Variants in ELP1 observed in about 807,000 individuals in gnomAD.
ELP1 encodes elongator complex protein 1.
Under a neutral mutation model 183.2 loss-of-function variants are expected in ELP1, and 131 were observed. That is an observed-to-expected ratio of 0.72 (90% confidence interval 0.62 to 0.83). The LOEUF is 0.83. Among genes scored for constraint, ELP1 ranks in the 40% least tolerant of loss-of-function variants. The pLI, the probability that ELP1 is intolerant of heterozygous loss-of-function variation, is 0.00. For synonymous variants in ELP1, 555 were observed against 569.0 expected (o/e 0.98, Z 0.35); for missense variants, 1,550 against 1,594.9 (o/e 0.97, Z 0.48).
chr9:108,887,278 A>C (rs541903895), intron 29 of ELP1, among the ~76,000 whole-genome samples: 1 of 152,300 alleles, frequency 6.6e-6, no homozygotes, highest in African/African-American at 2.4e-5. Flanking sequence ...AGACAAGTGA[A>C]TTTTCTCCAA....
In ELP1 at chr9:108,922,866, T is replaced by C; in HGVS notation, c.528A>G (p.Arg176=). The C allele has an allele frequency of 6.2e-7, 1 of 1,614,036 alleles. No individual in the cohort carries two copies. Among genetic ancestry groups the C allele is most frequent in the Non-Finnish European group, 8.5e-7 (1 of 1,179,876 alleles). The change falls in exon 6 of 37, where the codon AGA becomes AGG. Residue 176 remains arginine (R), a synonymous_variant. Transcript: ENST00000374647. ...KETQFHGSEG[R]QAAFQMQMHE... ...CCATTTGCATCTGAAAAGCTGCTTG[T>C]CTGCCTTCTGATCCATGGAACTGTG...
In ELP1 at chr9:108,906,378, C is replaced by G; in HGVS notation, c.1568G>C (p.Ser523Thr). The change falls in exon 14 of 37, where the codon AGC becomes ACC. Residue 523 changes from serine to threonine, a missense_variant. Coordinates refer to ENST00000374647, the MANE Select transcript of ELP1 (RefSeq NM_003640.5). ...CAAATGGTGAATGACAGACCGGGGG[C>G]TGAACTCACTGTGGCTTACAGCCAG... ...VFLAVSHSEF[S>T]PRSVIHHLTA... The G allele has an allele frequency of 6.2e-7, 1 of 1,614,084 alleles. No homozygotes were observed.
chr9:108,892,859 T>C (rs1828396628), intron 27 of ELP1, 127 bp downstream of exon 27: 2 of 736,996 alleles, frequency 2.7e-6, no homozygotes, highest in Non-Finnish European at 5.0e-6. Context: ...GAAGTTCAAA[T>C]TGAGGCTAAT....
intron 36 of ELP1, 28 bp downstream of exon 36, chr9:108,874,867 G>GT (rs1213922603): frequency 1.4e-6 from 2 of 1,409,188 alleles, no homozygotes; most frequent in Non-Finnish European, 2.0e-6. Context: ...GCTTAGTATT[G>GT]TAATATTAAA....
chr9:108,898,451 G>T (rs779991082), intron 22 of ELP1, 51 bp downstream of exon 22: 6 of 1,178,582 alleles, frequency 5.1e-6, no homozygotes, highest in Non-Finnish European at 7.4e-6. Flanking sequence ...TCCTTAACAA[G>T]AAGAGAGAAA....
chr9:108,895,839 C>T (rs565944151), intron 25 of ELP1, among the ~76,000 whole-genome samples: 1 of 152,264 alleles, frequency 6.6e-6, no homozygotes, highest in East Asian at 1.9e-4. Context: ...GCTCCATGTG[C>T]CCACCCTCCA....
chr9:108,889,440 T>G lies in ELP1; in HGVS notation c.3161-47A>C, dbSNP rs138797493. The G allele has an allele frequency of 5.3e-5, 82 of 1,543,470 alleles. 1 individual carries two copies. The African/African-American group carries it at 9.1e-4, about 17-fold the overall frequency. On this transcript the variant is annotated intron_variant, in intron 28 of 36. Transcript: ENST00000374647. ...GTTGACTACAAAGTTAAACAGATAC[T>G]TTAGCTCAAGTGCTTCTTTAATATG...
intron 36 of ELP1, among the ~76,000 whole-genome samples, chr9:108,874,208 A>AAAG (rs1415418228): frequency 1.3e-5 from 2 of 152,232 alleles, no homozygotes; most frequent in Non-Finnish European, 2.9e-5. Flanking sequence ...ACTATCATTC[A>AAAG]CTTTTCAAAG....
intron 36 of ELP1, among the ~76,000 whole-genome samples, chr9:108,872,793 A>AGAC (rs1309909498): frequency 2.5e-5 from 3 of 119,264 alleles, no homozygotes; most frequent in African/African-American, 1.1e-4. Context: ...CCACAGAGCA[A>AGAC]GACTCTGTCT....
chr9:108,898,521 A>G lies in ELP1; in HGVS notation c.2344T>C (p.Leu782=). The G allele has an allele frequency of 6.3e-7, 1 of 1,577,990 alleles. No homozygotes were observed. Among genetic ancestry groups the G allele is most frequent in the Non-Finnish European group, 8.7e-7 (1 of 1,149,860 alleles). ...ACTTACTTCAATTCTGTAAAAAACAAGTTAATATGATTCACAGAATCTATC... is the reference window on the plus strand; with the variant it reads ...ACTTACTTCAATTCTGTAAAAAACAGGTTAATATGATTCACAGAATCTATC... The part of the protein sequence containing the change: ...KQIDSVNHIN[L]FFTELKEEDV... The change falls in exon 22 of 37, where the codon TTG becomes CTG. Residue 782 remains leucine, a synonymous_variant. Transcript: ENST00000374647.
chr9:108,918,700 A>G (rs1587916168), intron 8 of ELP1, 111 bp downstream of exon 8: 2 of 820,994 alleles, frequency 2.4e-6, no homozygotes, highest in East Asian at 4.8e-5. Flanking sequence ...CAAATGAAGA[A>G]ACGTAAAAAT....
intron 1 of ELP1, among the ~76,000 whole-genome samples, chr9:108,931,948 G>A (rs548861342): frequency 1.3e-5 from 2 of 152,298 alleles, no homozygotes; most frequent in South Asian, 4.1e-4. Context: ...TTGCTTAAAT[G>A]CATAACATTA....
intron 36 of ELP1, among the ~76,000 whole-genome samples, chr9:108,874,248 TA>T (rs1445616532): frequency 6.6e-6 from 1 of 152,192 alleles, no homozygotes. Flanking sequence ...CAACTATAAG[TA>T]AGGGCAAATA....
Position 108,868,871 on chromosome 9 carries a change from C to T in ELP1, c.*244G>A. The T allele has an allele frequency of 1.7e-6, 1 of 602,920 alleles. No individual in the cohort carries two copies. Among genetic ancestry groups the T allele is most frequent in the Non-Finnish European group, 3.0e-6 (1 of 338,366 alleles). The allele number at this position is 602,920 out of a possible 1,614,324, so 37.3% of individuals were successfully genotyped here. On this transcript the variant is annotated 3_prime_UTR_variant, in exon 37 of 37. Transcript: ENST00000374647. Reference sequence around the variant, plus strand: ...CAAACAGCCCAAGTGAAAGAACAATCATTCTCACAAAATGGTGCCATAATG... The same window carrying T: ...CAAACAGCCCAAGTGAAAGAACAATTATTCTCACAAAATGGTGCCATAATG...
chr9:108,899,714 A>C (rs1828696320), intron 20 of ELP1, 108 bp downstream of exon 20: 2 of 857,998 alleles, frequency 2.3e-6, no homozygotes, highest in Non-Finnish European at 3.9e-6. Context: ...TGATATAGGT[A>C]ATGAGGGCTT....
chr9:108,919,196 T>C, intron 7 of ELP1, 57 bp downstream of exon 7: 1 of 1,264,364 alleles, frequency 7.9e-7, no homozygotes, highest in East Asian at 2.5e-5. Context: ...AAATTTTCCT[T>C]AATTTTAATA....
At chr9:108,901,819 A>G in intron 16 of ELP1, 138 bp from the exon 17 acceptor site, 1 of 841,568 alleles carries the variant, frequency 1.2e-6, no homozygotes, top group Middle Eastern at 2.9e-4. Context: ...GATACCTAAG[A>G]CGTGGCTGGT....
At chr9:108,933,391 T>C (rs1830063231) in intron 1 of ELP1, among the ~76,000 whole-genome samples, 1 of 152,206 alleles carries the variant, frequency 6.6e-6, no homozygotes, top group African/African-American at 2.4e-5. Context: ...TACTGGGATC[T>C]GAAGATTACT....
chr9:108,893,189 G>T, intron 26 of ELP1, 106 bp from the exon 27 acceptor site: 1 of 774,430 alleles, frequency 1.3e-6, no homozygotes, highest in South Asian at 1.5e-5. Context: ...AACTTTTTAA[G>T]ACCTAAATAA....
Sources: allele counts gnomAD v4.1 joint callset (sites outside exome capture counted in the v4.1 genomes callset), GRCh38; gene constraint gnomAD v4.1.1; transcripts MANE v1.5; gene names NCBI Gene and HGNC (gene_info 2026-07-23, HGNC 2026-07-21).